Variants in MAML3 observed in about 807,000 individuals in gnomAD.
MAML3 encodes mastermind like transcriptional coactivator 3, also known as mastermind-like protein 3.
In MAML3, 27 loss-of-function variants were observed where a neutral mutation model predicts 101.9. The ratio of observed to expected loss-of-function variants is 0.27; its 90% confidence interval spans 0.20 to 0.37. MAML3 has a LOEUF of 0.37. Ranked by LOEUF, MAML3 falls within the 10% of genes least tolerant of loss-of-function variation. The pLI, the probability that MAML3 is intolerant of heterozygous loss-of-function variation, is 1.00. For missense variants in MAML3, 1,316 were observed against 1,444.9 expected, an observed-to-expected ratio of 0.91 and a Z score of 1.45; for synonymous variants, 501 against 555.9, an observed-to-expected ratio of 0.90 and a Z score of 1.39.
intron 2 of MAML3, among the ~76,000 whole-genome samples, chr4:139,823,060 T>C (rs1731002494): frequency 6.6e-6 from 1 of 152,202 alleles, no homozygotes; most frequent in African/African-American, 2.4e-5. Context: ...TATTGGACAT[T>C]GTGTGGCTTT....
At chr4:140,024,911 C>T (rs1278367293) in intron 1 of MAML3, among the ~76,000 whole-genome samples, 2 of 152,086 alleles carry the variant, frequency 1.3e-5, no homozygotes, top group Non-Finnish European at 2.9e-5. Context: ...AGTGAGAGAA[C>T]CATCCAAAAT....
At chr4:140,111,775 G>A (rs181989434) in intron 1 of MAML3, among the ~76,000 whole-genome samples, 180 of 152,276 alleles carry the variant, frequency 1.2e-3, no homozygotes, top group African/African-American at 3.5e-3. Context: ...ACCTCAAAGA[G>A]CAAACTTTGT....
At chr4:140,065,797 G>T (rs1178150763) in intron 1 of MAML3, among the ~76,000 whole-genome samples, 6 of 152,088 alleles carry the variant, frequency 3.9e-5, no homozygotes, top group African/African-American at 1.4e-4. Flanking sequence ...TCATAAAAAG[G>T]GTTTTCCTCT....
At chr4:140,094,946 A>G (rs929414847) in intron 1 of MAML3, among the ~76,000 whole-genome samples, 2 of 152,184 alleles carry the variant, frequency 1.3e-5, no homozygotes, top group African/African-American at 4.8e-5. Flanking sequence ...GTGGCAGCCC[A>G]GTGGAGGTCT....
At chr4:139,989,870 CACACACACACACAG>C (rs1488002926) in intron 1 of MAML3, among the ~76,000 whole-genome samples, 2 of 90,530 alleles carry the variant, frequency 2.2e-5, no homozygotes, top group African/African-American at 8.5e-5. Context: ...CACACACACA[CACACACACACACAG>C]AGAGAGAGAG....
chr4:139,982,284 G>C (rs1578627921), intron 1 of MAML3, among the ~76,000 whole-genome samples: 1 of 152,160 alleles, frequency 6.6e-6, no homozygotes, highest in Non-Finnish European at 1.5e-5. Flanking sequence ...CACTTGTTCA[G>C]TTGGCTCCCG....
rs1728309561 is a variant in MAML3 at position 140,104,395 on chromosome 4, T to TTATATAATATATATATATTATATAA, written c.468+48464_468+48465insTTATATAATATATATATATTATATA. Among the ~76,000 whole-genome samples, 48 of 30,908 alleles carry TTATATAATATATATATATTATATAA rather than the reference T, an allele frequency of 1.6e-3. 1 individual carries two copies. The highest frequency in any genetic ancestry group is 3.5e-3 in the African/African-American group (45 of 12,744). The allele number at this position is 30,908 out of a possible 152,430, so 20.3% of individuals were successfully genotyped here. Reference sequence around the variant, plus strand: ...ATATATAATATATATATATTATATATTATATAATATATAATATAATATATA... The same window carrying TTATATAATATATATATATTATATAA: ...ATATATAATATATATATATTATATATTATATAATATATATATATTATATAATATATAATATATAATATAATATATA... On this transcript the variant is annotated intron_variant, in intron 1 of 4. Transcript: ENST00000509479.
At chr4:139,846,596 C>T (rs1304169749) in intron 2 of MAML3, among the ~76,000 whole-genome samples, 1 of 152,216 alleles carries the variant, frequency 6.6e-6, no homozygotes, top group East Asian at 1.9e-4. Context: ...AATCCACCCA[C>T]CCTGGCCTCC....
At chr4:139,968,283 C>T (rs1310472923) in intron 1 of MAML3, among the ~76,000 whole-genome samples, 1 of 146,290 alleles carries the variant, frequency 6.8e-6, no homozygotes, top group African/African-American at 2.6e-5. Context: ...ACACTCCAGC[C>T]TGGGCAACAG....
At chr4:140,001,923 T>C (rs976866807) in intron 1 of MAML3, among the ~76,000 whole-genome samples, 1 of 152,250 alleles carries the variant, frequency 6.6e-6, no homozygotes, top group Non-Finnish European at 1.5e-5. Context: ...AGTATTATTT[T>C]AAAATTAATT....
intron 1 of MAML3, among the ~76,000 whole-genome samples, chr4:140,061,067 C>A (rs1727440164): frequency 6.6e-6 from 1 of 152,188 alleles, no homozygotes; most frequent in African/African-American, 2.4e-5. Context: ...AAAAGGCACG[C>A]ACGTTTGATG....
chr4:140,028,877 T>A (rs1324302842), intron 1 of MAML3, among the ~76,000 whole-genome samples: 1 of 152,238 alleles, frequency 6.6e-6, no homozygotes, highest in Non-Finnish European at 1.5e-5. Flanking sequence ...TGATTCATGC[T>A]CTCCTGTGAG....
chr4:139,803,096 G>C (rs1273402993), intron 2 of MAML3, among the ~76,000 whole-genome samples: 6 of 152,202 alleles, frequency 3.9e-5, no homozygotes, highest in Admixed American at 3.9e-4. Flanking sequence ...CCCTCCATGA[G>C]GTTTTTGGAC....
chr4:139,828,688 G>T (rs1298490734), intron 2 of MAML3, among the ~76,000 whole-genome samples: 1 of 148,598 alleles, frequency 6.7e-6, no homozygotes, highest in Non-Finnish European at 1.5e-5. Flanking sequence ...ATGGGCAAGA[G>T]AAGGCTTTGC....
At chr4:140,056,410 T>G (rs895610358) in intron 1 of MAML3, among the ~76,000 whole-genome samples, 1 of 150,722 alleles carries the variant, frequency 6.6e-6, no homozygotes, top group Non-Finnish European at 1.5e-5. Flanking sequence ...CAGGCTGGAG[T>G]GCAATGGCGC....
At chr4:139,931,419 T>C (rs1358068186) in intron 1 of MAML3, among the ~76,000 whole-genome samples, 1 of 152,198 alleles carries the variant, frequency 6.6e-6, no homozygotes, top group Non-Finnish European at 1.5e-5. Flanking sequence ...TCCTCTTACC[T>C]TGTACCGTCT....
intron 2 of MAML3, among the ~76,000 whole-genome samples, chr4:139,847,873 A>G (rs1731477444): frequency 6.6e-6 from 1 of 152,240 alleles, no homozygotes; most frequent in East Asian, 1.9e-4. Context: ...CATGGGACTC[A>G]GGAAGAAACA....
chr4:139,981,560 T>G (rs961293088), intron 1 of MAML3, among the ~76,000 whole-genome samples: 2 of 152,220 alleles, frequency 1.3e-5, no homozygotes, highest in Non-Finnish European at 2.9e-5. Context: ...GAACAAATAT[T>G]GACACATTAT....
rs527900114 is a variant in MAML3 at position 140,128,475 on chromosome 4, A to G, written c.468+24385T>C. Among the ~76,000 whole-genome samples, 173 of 152,294 alleles carry G rather than the reference A, an allele frequency of 1.1e-3. 1 individual carries two copies. The Middle Eastern group carries it at 0.017, about 15-fold the overall frequency. On this transcript the variant is annotated intron_variant, in intron 1 of 4. Coordinates refer to ENST00000509479, the MANE Select transcript of MAML3 (RefSeq NM_018717.5). ...GCACCCCTGCCTTTAAGGAGCCCCA[A>G]GCTCTGACCACTACTTGGGTTCTGT...
Sources: gnomAD v4.1 joint callset for allele counts (sites outside exome capture counted in the v4.1 genomes callset) on GRCh38, gnomAD v4.1.1 for gene constraint, MANE v1.5 for transcripts, NCBI Gene and HGNC (gene_info 2026-07-23, HGNC 2026-07-21) for gene names.